SYNRG: variants seen among roughly 807,000 people sequenced by gnomAD.
SYNRG encodes the protein synergin gamma, also known as AP1 gamma subunit binding protein 1.
SYNRG carries 37 observed loss-of-function variants against 130.9 expected under a neutral mutation model. The observed-to-expected ratio is 0.28, with a 90% CI of 0.22 to 0.37. The LOEUF is 0.37. SYNRG is among the 10% of genes least tolerant of loss of function. The pLI, the probability that SYNRG is intolerant of heterozygous loss-of-function variation, is 1.00. For synonymous variants in SYNRG, 539 were observed against 568.1 expected (o/e 0.95, Z 0.73); for missense variants, 1,338 against 1,588.9 (o/e 0.84, Z 2.68).
chr17:37,586,890 AGAG>A (rs1230337410), intron 3 of SYNRG, among the ~76,000 whole-genome samples: 4 of 152,124 alleles, frequency 2.6e-5, no homozygotes, highest in Non-Finnish European at 5.9e-5. Flanking sequence ...CTCTTTGAGA[AGAG>A]GCATTATATC....
chr17:37,516,855 T>C lies in SYNRG; in HGVS notation c.*2085A>G, dbSNP rs2054464489. The stretch of plus-strand genomic sequence containing the variant: ...TAATTAGCTGGGGTCTTTACCATCA[T>C]GCCCAGGGCTGGTCTCTAACTCCTG... On this transcript the variant is annotated 3_prime_UTR_variant, in exon 22 of 22. Transcript: ENST00000612223. 1.3e-5 allele frequency: 2 copies of C among 152,186 alleles called. No individual in the cohort carries two copies. The highest frequency in any genetic ancestry group is 3.8e-4 in the East Asian group (2 of 5,196). The allele number at this position is 152,186 out of a possible 1,614,324, so 9.4% of individuals were successfully genotyped here. A position where few individuals can be genotyped will look rare whatever the true frequency, so the allele number is the denominator to read the frequency against.
At position 37,576,426 on chromosome 17, in the gene SYNRG, G is replaced by T. The variant is rs2060840884; in HGVS notation, c.824-8C>A. 1 of 1,612,960 alleles carries T rather than the reference G, an allele frequency of 6.2e-7. No individual in the cohort carries two copies. The highest frequency in any genetic ancestry group is 2.2e-5 in the East Asian group (1 of 44,834). ...AGGGAAATACTCCCACACCTAGAAG[G>T]TAAGAAACATTAATGTATATAGTGG... On this transcript the variant is annotated splice_region_variant and splice_polypyrimidine_tract_variant and intron_variant, in intron 7 of 21. Transcript: ENST00000612223.
chr17:37,524,839 A>T (rs1933951822), intron 19 of SYNRG, among the ~76,000 whole-genome samples: 1 of 152,264 alleles, frequency 6.6e-6, no homozygotes, highest in African/African-American at 2.4e-5. Context: ...GTTAAAACAT[A>T]GTATCATCTC....
rs545545164 is a variant in SYNRG at position 37,595,893 on chromosome 17, T to C, written c.240+330A>G. Among the ~76,000 whole-genome samples, 10 of 152,198 alleles carry C rather than the reference T, an allele frequency of 6.6e-5. No homozygotes were observed. In the South Asian group the frequency reaches 2.1e-3, roughly 32 times the overall value. ...CCTCAGCCTCCCGAGTAGCTGGGAC[T>C]ACAGGCACATGCCACCACGCCCAGG... On this transcript the variant is annotated intron_variant, in intron 3 of 21. Coordinates refer to ENST00000612223, the MANE Select transcript of SYNRG (RefSeq NM_007247.6).
rs1219552562 is a variant in SYNRG at position 37,536,143 on chromosome 17, A to G, written c.3518-16T>C. ...TCAACAACACCTGACGGGATGAGAGAGCAGAGAGAGAGTGTTGGCAGTGGA... is the reference window on the plus strand; with the variant it reads ...TCAACAACACCTGACGGGATGAGAGGGCAGAGAGAGAGTGTTGGCAGTGGA... On this transcript the variant is annotated splice_polypyrimidine_tract_variant and intron_variant, in intron 18 of 21. Transcript: ENST00000612223. 5 of 1,599,302 alleles carry G rather than the reference A, an allele frequency of 3.1e-6. No individual in the cohort carries two copies. In the South Asian group the frequency reaches 4.5e-5, roughly 14 times the overall value.
intron 19 of SYNRG, among the ~76,000 whole-genome samples, chr17:37,521,034 T>C (rs1414992395): frequency 6.6e-5 from 1 of 15,170 alleles, no homozygotes; most frequent in African/African-American, 5.3e-4. Flanking sequence ...TTTTCTTTTC[T>C]TTTTTTTTTT....
At chr17:37,544,704 T>G (rs1167049053) in intron 14 of SYNRG, among the ~76,000 whole-genome samples, 1 of 152,106 alleles carries the variant, frequency 6.6e-6, no homozygotes, top group Admixed American at 6.5e-5. Context: ...TTTGTTTTCG[T>G]TTTTTTCCCC....
chr17:37,541,787 G>A, intron 15 of SYNRG, 185 bp downstream of exon 15: 1 of 636,716 alleles, frequency 1.6e-6, no homozygotes, highest in Non-Finnish European at 2.7e-6. Context: ...TTATCTGAGG[G>A]ATGCTGATTT....
At position 37,518,938 on chromosome 17, in the gene SYNRG, G is replaced by T. The variant is rs1195926551; in HGVS notation, c.*2C>A. On this transcript the variant is annotated 3_prime_UTR_variant, in exon 22 of 22. Coordinates refer to ENST00000612223, the MANE Select transcript of SYNRG (RefSeq NM_007247.6). ...AAAGTCAATGCTTCACAGAGGAGTT[G>T]TTCAGAGCAGGTCAGGCAGGACGAG... is the stretch of plus-strand genomic sequence containing the variant. 6.2e-7 allele frequency: 1 copy of T among 1,613,040 alleles called. No individual in the cohort carries two copies.
chr17:37,600,294 T>C, intron 2 of SYNRG, 69 bp downstream of exon 2: 1 of 1,381,314 alleles, frequency 7.2e-7, no homozygotes. Context: ...TTCTATTTAC[T>C]TATTTAATTC....
At chr17:37,539,020 T>C (rs1404358259) in intron 17 of SYNRG, 172 bp downstream of exon 17, 3 of 984,484 alleles carry the variant, frequency 3.0e-6, no homozygotes. Flanking sequence ...CTATTGTAAG[T>C]GTGAAAGAAG....
At chr17:37,539,381 T>TTG in intron 16 of SYNRG, 136 bp from the exon 17 acceptor site, 1 of 892,434 alleles carries the variant, frequency 1.1e-6, no homozygotes, top group African/African-American at 1.7e-5. Context: ...TATGTTTTTT[T>TTG]TGTTTTTGTT....
rs549245023 is a variant in SYNRG, at chr17:37,547,587, C to T, written c.2609-5022G>A. Among the ~76,000 whole-genome samples, 405 of 152,140 alleles carry T rather than the reference C, an allele frequency of 2.7e-3. 3 individuals are homozygous for T. Among genetic ancestry groups the T allele is most frequent in the Non-Finnish European group, 5.0e-3 (340 of 67,986 alleles). ...AAGCAATTCTCGTGCCTCAGCCCCC[C>T]GAGTAGCTGGGATTACAGGCACGAG... On this transcript the variant is annotated intron_variant, in intron 14 of 21. Transcript: ENST00000612223.
chr17:37,588,916 C>T (rs2061915556), intron 3 of SYNRG, among the ~76,000 whole-genome samples: 1 of 152,108 alleles, frequency 6.6e-6, no homozygotes, highest in African/African-American at 2.4e-5. Flanking sequence ...GAGGAACATT[C>T]AAATTTACTA....
rs539549280 is a variant in SYNRG at position 37,575,833 on chromosome 17, C to T, written c.901+508G>A. Among the ~76,000 whole-genome samples the T allele has an allele frequency of 4.1e-4, 56 of 135,424 alleles. No homozygotes were observed. The East Asian group carries it at 0.011, about 27-fold the overall frequency. 88.8% of individuals were successfully genotyped at this position (135,424 alleles called of 152,430 possible). On this transcript the variant is annotated intron_variant, in intron 8 of 21. Coordinates refer to ENST00000612223, the MANE Select transcript of SYNRG (RefSeq NM_007247.6). ...ACTCCAGCCTGGGTGACAGTAAGAC[C>T]TTGTCTCAAAAAAAAAAAAAAAAAA... is the stretch of plus-strand genomic sequence containing the variant.
intron 18 of SYNRG, chr17:37,537,263 A>T (rs2057282999): frequency 6.6e-6 from 1 of 152,318 alleles, no homozygotes; most frequent in Non-Finnish European, 1.5e-5. Flanking sequence ...TTGGGGACAC[A>T]CCAGTGAACA....
At chr17:37,568,733 T>G (rs572162129) in intron 11 of SYNRG, 58 bp downstream of exon 11, 2 of 1,579,754 alleles carry the variant, frequency 1.3e-6, no homozygotes, top group East Asian at 4.5e-5. Flanking sequence ...CTTCCTATTA[T>G]GGATGCCTCT....
chr17:37,554,032 G>A lies in SYNRG; in HGVS notation c.1691C>T (p.Ala564Val). Residue 564 changes from alanine to valine, a missense_variant, in exon 14 of 22, where the codon GCA becomes GTA. By Grantham distance (64) the Ala-to-Val change is moderately conservative. Coordinates refer to ENST00000612223, the MANE Select transcript of SYNRG (RefSeq NM_007247.6). ...LGESFAEFRS[A>V]GTDDGFTDFK... Reference sequence around the variant, plus strand: ...ATCGGTGAAACCATCATCAGTTCCTGCAGATCTGAATTCTGCAAAGCTTTC... The same window carrying A: ...ATCGGTGAAACCATCATCAGTTCCTACAGATCTGAATTCTGCAAAGCTTTC... 6.2e-7 allele frequency: 1 copy of A among 1,604,910 alleles called. No homozygotes were observed.
intron 1 of SYNRG, among the ~76,000 whole-genome samples, chr17:37,608,720 A>T (rs554505435): frequency 6.6e-6 from 1 of 152,204 alleles, no homozygotes; most frequent in Non-Finnish European, 1.5e-5. Context: ...TCTCAAGACC[A>T]TTACTAATTC....
Sources: gnomAD v4.1 joint callset for allele counts (sites outside exome capture counted in the v4.1 genomes callset) on GRCh38, gnomAD v4.1.1 for gene constraint, MANE v1.5 for transcripts, NCBI Gene and HGNC (gene_info 2026-07-23, HGNC 2026-07-21) for gene names.